The following OPA3 variants were observed in gnomAD, a reference collection of about 807,000 sequenced individuals.
OPA3 encodes the protein outer mitochondrial membrane lipid metabolism regulator OPA3, also known as optic atrophy 3 protein.
Under a neutral mutation model 4.0 loss-of-function variants are expected in OPA3, and 6 were observed. That is an observed-to-expected ratio of 1.51 (90% CI 0.83 to 2.99). OPA3 has a LOEUF of 2.99. Among genes scored for constraint, OPA3 ranks in the 30% most tolerant of loss-of-function variants. The probability of loss-of-function intolerance (pLI) is 0.00; values close to 1 mark genes in which losing one functional copy is unlikely to be tolerated. For missense variants in OPA3, 235 were observed against 256.2 expected (o/e 0.92, Z 0.56); for synonymous variants, 105 against 117.1 (o/e 0.90, Z 0.67).
At chr19:45,538,462 G>A (rs750725659) in intron 1 of OPA3, among the ~76,000 whole-genome samples, 2 of 152,136 alleles carry the variant, frequency 1.3e-5, no homozygotes, top group Non-Finnish European at 2.9e-5. Flanking sequence ...TCTTACACTT[G>A]TAATCCCAGC....
intron 1 of OPA3, among the ~76,000 whole-genome samples, chr19:45,571,239 G>C (rs1025039421): frequency 6.6e-6 from 1 of 152,070 alleles, no homozygotes; most frequent in Non-Finnish European, 1.5e-5. Context: ...CACCTCCCGG[G>C]TTCAAGCGAT....
rs1014070100 is a variant in OPA3 at position 45,539,609 on chromosome 19, C to T, written c.143-10153G>A. The stretch of plus-strand genomic sequence containing the variant: ...TGGGATTACAGGCATGAACACTACA[C>T]CCAGCCAAAAAACACAAAAATTAGC... On this transcript the variant is annotated intron_variant, in intron 1 of 1. Coordinates refer to the OPA3 transcript ENST00000323060. 2.0e-5 allele frequency among the ~76,000 whole-genome samples: 3 copies of T among 152,100 alleles called. No homozygotes were observed. The East Asian group carries it at 5.8e-4, about 29-fold the overall frequency.
chr19:45,545,172 AAAAAAAC>A (rs1402091243), downstream of OPA3, among the ~76,000 whole-genome samples: 27 of 148,920 alleles, frequency 1.8e-4, 2 homozygotes, highest in African/African-American at 6.1e-4. Context: ...CTCAAAAAAA[AAAAAAAC>A]AAAAAAACAA....
rs144752998 is a variant in OPA3 at position 45,548,661 on chromosome 19, AT to A, written c.*4852del. On this transcript the variant is annotated 3_prime_UTR_variant, in exon 2 of 2. Transcript: ENST00000263275. The stretch of plus-strand genomic sequence containing the variant: ...GTGAGTTTTGTGTTTTATTTTTTTT[AT>A]TTTTTTTTTTTTTGCGGGAGACGCC... 0.014 allele frequency: 11,781 copies of A among 844,556 alleles called. No individual in the cohort carries two copies. The highest frequency in any genetic ancestry group is 0.016 in the Middle Eastern group (27 of 1,704). The allele number at this position is 844,556 out of a possible 1,614,324, so 52.3% of individuals were successfully genotyped here.
rs192930706 is a variant in OPA3 at position 45,554,933 on chromosome 19, G to A, written c.143-1022C>T. Among the ~76,000 whole-genome samples, 6 of 152,218 alleles carry A rather than the reference G, an allele frequency of 3.9e-5. No individual in the cohort carries two copies. The East Asian group carries it at 1.2e-3, about 29-fold the overall frequency. ...AGTCTCCTGAGTAGCTGGGACTACA[G>A]GCACGCGCCACCATGCCCGTCTAAT... On this transcript the variant is annotated intron_variant, in intron 1 of 1. Transcript: ENST00000263275.
rs931537597 is a variant in OPA3, at chr19:45,549,984, C to T, written c.*3530G>A. The T allele has an allele frequency of 4.7e-5, 30 of 634,676 alleles. No individual in the cohort carries two copies. The African/African-American group carries it at 5.8e-4, about 12-fold the overall frequency. The allele number at this position is 634,676 out of a possible 1,614,324, so 39.3% of individuals were successfully genotyped here. A position where few individuals can be genotyped will look rare whatever the true frequency, so the allele number is the denominator to read the frequency against. ...ATCAGCCTGGGCAACTTGGAGAAAC[C>T]CCGTCTCCACTAAAATACAAAAATT... On this transcript the variant is annotated 3_prime_UTR_variant, in exon 2 of 2. Transcript: ENST00000263275.
rs115749049 is a variant in OPA3 at position 45,558,392 on chromosome 19, G to A, written c.143-4481C>T. Among the ~76,000 whole-genome samples, 710 of 152,096 alleles carry A rather than the reference G, an allele frequency of 4.7e-3. 1 individual carries two copies. Among genetic ancestry groups the A allele is most frequent in the Non-Finnish European group, 7.4e-3 (500 of 68,000 alleles). ...CGTCGCCCCACCCCCAACTCCTGCC[G>A]CAAATAAAAGTAACACATGGCAAGA... On this transcript the variant is annotated intron_variant, in intron 1 of 1. Transcript: ENST00000263275.
In OPA3 at chr19:45,551,461, A is replaced by G. The variant is rs1468135427; in HGVS notation, c.*2053T>C. On this transcript the variant is annotated 3_prime_UTR_variant, in exon 2 of 2. Coordinates refer to ENST00000263275, the MANE Select transcript of OPA3 (RefSeq NM_025136.4). ...CTTAAGATGGGCCCTAAATGCAATG[A>G]CAGGTGTTCTTGTAAGAGACAAAAT... 1 of 152,616 alleles carries G rather than the reference A, an allele frequency of 6.6e-6. No individual in the cohort carries two copies. The highest frequency in any genetic ancestry group is 1.5e-5 in the Non-Finnish European group (1 of 68,488). 9.5% of individuals were successfully genotyped at this position (152,616 alleles called of 1,614,324 possible).
At chr19:45,559,397 CT>C (rs71338781) in intron 1 of OPA3, among the ~76,000 whole-genome samples, 12,612 of 60,496 alleles carry the variant, frequency 0.21, 254 homozygotes, top group Middle Eastern at 0.36. Flanking sequence ...CTTTTTCTTT[CT>C]TTTTTTTTTT....
rs1442534827 is a variant in OPA3 at position 45,547,109 on chromosome 19, G to C, written c.*6405C>G. 2 of 152,348 alleles carry C rather than the reference G, an allele frequency of 1.3e-5. No homozygotes were observed. The highest frequency in any genetic ancestry group is 2.9e-5 in the Non-Finnish European group (2 of 68,168). 9.4% of individuals were successfully genotyped at this position (152,348 alleles called of 1,614,324 possible). ...GAGGGAGGGAGGACTCCACAGAGGG[G>C]GAAGCTGAAGCCAGATGTGGTGGAA... On this transcript the variant is annotated 3_prime_UTR_variant, in exon 2 of 2. Transcript: ENST00000263275.
Position 45,546,453 on chromosome 19 carries a change from G to A in OPA3, c.*7061C>T. ...ATACACTTTTAAAATACATAGAATTGTAAATTATTGTATAAATATGCACAC... is the reference window on the plus strand; with the variant it reads ...ATACACTTTTAAAATACATAGAATTATAAATTATTGTATAAATATGCACAC... On this transcript the variant is annotated 3_prime_UTR_variant, in exon 2 of 2. Transcript: ENST00000263275. 1.0e-5 allele frequency: 6 copies of A among 580,320 alleles called. No individual in the cohort carries two copies. The highest frequency in any genetic ancestry group is 1.1e-5 in the Non-Finnish European group (5 of 462,188). 35.9% of individuals were successfully genotyped at this position (580,320 alleles called of 1,614,324 possible).
chr19:45,529,262 T>C, exon 2 of OPA3: 3 of 1,613,880 alleles, frequency 1.9e-6, no homozygotes, highest in Non-Finnish European at 2.5e-6. Flanking sequence ...CGTCGCTCCT[T>C]TTCCTTGCGG....
At chr19:45,535,596 C>G (rs1478914381) in intron 1 of OPA3, among the ~76,000 whole-genome samples, 2 of 151,782 alleles carry the variant, frequency 1.3e-5, no homozygotes, top group South Asian at 2.1e-4. Flanking sequence ...TGGGCTCAAG[C>G]GATCCAACTG....
intron 1 of OPA3, among the ~76,000 whole-genome samples, chr19:45,562,563 C>A (rs1187550913): frequency 2.0e-5 from 3 of 151,904 alleles, no homozygotes; most frequent in Non-Finnish European, 2.9e-5. Flanking sequence ...ATGGCGCACG[C>A]CTGTAATCTC....
intron 1 of OPA3, among the ~76,000 whole-genome samples, chr19:45,533,443 C>A (rs1969081728): frequency 6.6e-6 from 1 of 152,242 alleles, no homozygotes; most frequent in Admixed American, 6.5e-5. Flanking sequence ...ATCTGCCCGC[C>A]TTGGCCTCCC....
chr19:45,554,065 G>A (rs1424200006), intron 1 of OPA3, among the ~76,000 whole-genome samples, 154 bp from the exon 2 acceptor site: 1 of 152,136 alleles, frequency 6.6e-6, no homozygotes, highest in Non-Finnish European at 1.5e-5. Flanking sequence ...AAGAAACACT[G>A]CCCCAGAAGG....
At chr19:45,559,397 C>CTTTTTTTTT (rs71338781) in intron 1 of OPA3, among the ~76,000 whole-genome samples, 98 of 59,886 alleles carry the variant, frequency 1.6e-3, no homozygotes, top group Admixed American at 2.1e-3. Flanking sequence ...CTTTTTCTTT[C>CTTTTTTTTT]TTTTTTTTTT....
chr19:45,531,295 C>T (rs547207577), intron 1 of OPA3, among the ~76,000 whole-genome samples: 10 of 152,214 alleles, frequency 6.6e-5, no homozygotes, highest in East Asian at 5.8e-4. Context: ...CTCACTGCTT[C>T]GTATCGTGCC....
intron 1 of OPA3, among the ~76,000 whole-genome samples, chr19:45,555,616 G>C (rs1969409507): frequency 6.6e-6 from 1 of 152,032 alleles, no homozygotes; most frequent in East Asian, 1.9e-4. Flanking sequence ...TCAGCCTCCT[G>C]AGTAGCTGGG....
Sources: allele counts gnomAD v4.1 joint callset (sites outside exome capture counted in the v4.1 genomes callset), GRCh38; gene constraint gnomAD v4.1.1; transcripts MANE v1.5; gene names NCBI Gene and HGNC (gene_info 2026-07-23, HGNC 2026-07-21).